ZC3H13: variants seen among roughly 807,000 people sequenced by gnomAD.
ZC3H13 encodes zinc finger CCCH domain-containing protein 13.
ZC3H13 carries 64 observed loss-of-function variants against 204.1 expected under a neutral mutation model. That is an observed-to-expected ratio of 0.31 (90% CI 0.26 to 0.39). The LOEUF (loss-of-function observed/expected upper bound fraction) is 0.39. Ranked by LOEUF, ZC3H13 falls within the 10% of genes least tolerant of loss-of-function variation. The pLI is 1.00. For synonymous variants in ZC3H13, 667 were observed against 693.7 expected, an observed-to-expected ratio of 0.96 and a Z score of 0.60; for missense variants, 1,833 against 2,082.7, an observed-to-expected ratio of 0.88 and a Z score of 2.33.
At chr13:46,039,059 T>G (rs2043394064) in intron 4 of ZC3H13, among the ~76,000 whole-genome samples, 1 of 152,100 alleles carries the variant, frequency 6.6e-6, no homozygotes, top group South Asian at 2.1e-4. Flanking sequence ...TATCCTGGTG[T>G]CCCAGGTTAT....
At chr13:46,029,033 C>G (rs1290961959) in intron 4 of ZC3H13, among the ~76,000 whole-genome samples, 2 of 151,490 alleles carry the variant, frequency 1.3e-5, no homozygotes. Context: ...TTGAAAAGAT[C>G]AATAAAATTT....
intron 1 of ZC3H13, among the ~76,000 whole-genome samples, chr13:46,048,094 CTTA>C (rs1313506772): frequency 1.3e-5 from 2 of 152,170 alleles, no homozygotes; most frequent in Non-Finnish European, 2.9e-5. Flanking sequence ...TATTATCGTA[CTTA>C]TTATACTTAA....
intron 11 of ZC3H13, chr13:45,976,336 G>T: frequency 1.2e-6 from 1 of 837,158 alleles, no homozygotes; most frequent in Non-Finnish European, 1.4e-6. Context: ...ACACATCAAA[G>T]TGCAGCTATT....
chr13:46,031,150 A>G (rs540390371), intron 4 of ZC3H13, among the ~76,000 whole-genome samples: 1 of 152,314 alleles, frequency 6.6e-6, no homozygotes, highest in East Asian at 1.9e-4. Flanking sequence ...ATTTTTAACA[A>G]AGAAGCAAAA....
intron 1 of ZC3H13, 137 bp downstream of exon 1, chr13:46,052,267 T>TC (rs1359972710): frequency 2.9e-6 from 1 of 343,934 alleles, no homozygotes; most frequent in African/African-American, 2.1e-5. Flanking sequence ...TATTGCAGAG[T>TC]TAAGGGTGGG....
chr13:46,027,065 G>A (rs560591341), intron 4 of ZC3H13, among the ~76,000 whole-genome samples: 61 of 152,006 alleles, frequency 4.0e-4, no homozygotes, highest in Middle Eastern at 3.4e-3. Flanking sequence ...GTATCTCTAA[G>A]AACAAAGCAA....
At chr13:46,008,491 AT>A (rs1270279968) in intron 7 of ZC3H13, among the ~76,000 whole-genome samples, 1 of 152,148 alleles carries the variant, frequency 6.6e-6, no homozygotes, top group East Asian at 1.9e-4. Flanking sequence ...GTGAATGATT[AT>A]TCATGACAAA....
intron 12 of ZC3H13, among the ~76,000 whole-genome samples, chr13:45,971,876 A>G (rs992596473): frequency 1.1e-4 from 17 of 152,182 alleles, no homozygotes; most frequent in African/African-American, 4.1e-4. Context: ...GAAGACATAC[A>G]AACAGCCAAC....
Position 45,988,552 on chromosome 13 carries a change from C to T in ZC3H13, c.1255+235G>A, listed in dbSNP as rs4942465. Among the ~76,000 whole-genome samples the T allele has an allele frequency of 0.72, 110,265 of 152,092 alleles. 40,294 individuals carry two copies. Among genetic ancestry groups the T allele is most frequent in the African/African-American group, 0.8 (33,321 of 41,494 alleles). On this transcript the variant is annotated intron_variant, in intron 9 of 18. Coordinates refer to ENST00000679008, the MANE Select transcript of ZC3H13 (RefSeq NM_001330564.2). ...GATTACAGGCGTGAGCCACTGCACC[C>T]GGCCAGAACATCTTAACTAAAGAAA...
chr13:45,983,401 T>TATATATATATATATATA (rs1953842302), intron 10 of ZC3H13, among the ~76,000 whole-genome samples: 16 of 35,486 alleles, frequency 4.5e-4, no homozygotes, highest in African/African-American at 2.5e-3. Context: ...CCCCTTCTAC[T>TATATATATATATATATA]TATATATATA....
At chr13:46,046,526 G>C (rs918910860) in intron 1 of ZC3H13, among the ~76,000 whole-genome samples, 2 of 144,030 alleles carry the variant, frequency 1.4e-5, no homozygotes, top group Non-Finnish European at 3.0e-5. Context: ...AAATTAGCTG[G>C]GCATGGTGGC....
At chr13:45,990,928 C>T (rs546197037) in intron 8 of ZC3H13, among the ~76,000 whole-genome samples, 27 of 152,062 alleles carry the variant, frequency 1.8e-4, no homozygotes, top group African/African-American at 4.6e-4. Flanking sequence ...CTCAGCCTCC[C>T]GAGCAGCTGG....
At chr13:45,997,057 G>T (rs1393109962) in intron 8 of ZC3H13, among the ~76,000 whole-genome samples, 1 of 152,170 alleles carries the variant, frequency 6.6e-6, no homozygotes, top group African/African-American at 2.4e-5. Flanking sequence ...ATGGGAAATT[G>T]CTATATTTTC....
chr13:45,973,376 G>C (rs193179004), intron 12 of ZC3H13, among the ~76,000 whole-genome samples: 155 of 152,252 alleles, frequency 1.0e-3, no homozygotes, highest in African/African-American at 3.6e-3. Flanking sequence ...TTCTGTTATA[G>C]AGTTATTCAA....
At chr13:45,995,989 G>C (rs1315291071) in intron 8 of ZC3H13, among the ~76,000 whole-genome samples, 1 of 152,130 alleles carries the variant, frequency 6.6e-6, no homozygotes, top group Non-Finnish European at 1.5e-5. Context: ...CTACAACCTA[G>C]CATTATGATT....
chr13:45,992,377 A>C (rs2040024824), intron 8 of ZC3H13, among the ~76,000 whole-genome samples: 1 of 152,230 alleles, frequency 6.6e-6, no homozygotes, highest in Non-Finnish European at 1.5e-5. Flanking sequence ...ATAGCAAGTA[A>C]CGTATATTGC....
chr13:46,045,466 C>T lies in ZC3H13; in HGVS notation c.42G>A (p.Lys14=). 1 of 1,614,070 alleles carries T rather than the reference C, an allele frequency of 6.2e-7. No homozygotes were observed. Among genetic ancestry groups the T allele is most frequent in the Non-Finnish European group, 8.5e-7 (1 of 1,179,980 alleles). ...TTCGGGATGTGCTATCAGATATAGT[C>T]TTGGTATTTTCCACTGTGACCTTCC... ...IRRKVTVENT[K]TISDSTSRRP... is the part of the protein sequence containing the mutation. The change falls in exon 2 of 19, where the codon AAG becomes AAA. Residue 14 remains lysine, a synonymous_variant. Transcript: ENST00000679008.
intron 4 of ZC3H13, among the ~76,000 whole-genome samples, chr13:46,026,615 C>T (rs2042560141): frequency 6.6e-6 from 1 of 151,818 alleles, no homozygotes; most frequent in African/African-American, 2.4e-5. Flanking sequence ...ATGAAAGTTA[C>T]TTTTTAAAAA....
intron 17 of ZC3H13, chr13:45,962,555 CT>C: frequency 1.0e-6 from 1 of 985,062 alleles, no homozygotes; most frequent in Non-Finnish European, 1.2e-6. Flanking sequence ...AGAACTAAGT[CT>C]TGGGTCATTT....
Sources: gnomAD v4.1 joint callset for allele counts (sites outside exome capture counted in the v4.1 genomes callset) on GRCh38, gnomAD v4.1.1 for gene constraint, MANE v1.5 for transcripts, NCBI Gene and HGNC (gene_info 2026-07-23, HGNC 2026-07-21) for gene names.